Variants in RAD52 observed in about 807,000 individuals in gnomAD.
RAD52 encodes RAD52 DNA repair protein.
In RAD52, 47 loss-of-function variants were observed where a neutral mutation model predicts 55.5. The ratio of observed to expected loss-of-function variants is 0.85; its 90% CI spans 0.67 to 1.08. RAD52 has a LOEUF of 1.08. Ranked by LOEUF, RAD52 falls within the 50% of genes least tolerant of loss-of-function variation. RAD52 has a pLI of 0.00. For missense variants in RAD52, 468 were observed against 522.8 expected (o/e 0.90, Z 1.02); for synonymous variants, 184 against 198.9 (o/e 0.92, Z 0.63).
At position 928,976 on chromosome 12, in the gene RAD52, C is replaced by T. The variant is rs11571431; in HGVS notation, c.348+843G>A. Among the ~76,000 whole-genome samples, 4 of 152,254 alleles carry T rather than the reference C, an allele frequency of 2.6e-5. No individual in the cohort carries two copies. The East Asian group carries it at 7.7e-4, about 29-fold the overall frequency. ...ACTTCCTGGGCTCAGGTGATCCTCC[C>T]ACCTCAGCCTCTTGAGTAGCTAGGA... On this transcript the variant is annotated intron_variant, in intron 5 of 11. Coordinates refer to ENST00000358495, the MANE Select transcript of RAD52 (RefSeq NM_134424.4).
At chr12:914,313 G>A in intron 10 of RAD52, 118 bp downstream of exon 10, 1 of 1,447,534 alleles carries the variant, frequency 6.9e-7, no homozygotes, top group South Asian at 1.3e-5. Flanking sequence ...TATGCTATCA[G>A]CCAGAACCCC....
chr12:958,958 TC>T (rs1238883509), intron 1 of RAD52, among the ~76,000 whole-genome samples: 1 of 152,196 alleles, frequency 6.6e-6, no homozygotes, highest in Non-Finnish European at 1.5e-5. Context: ...GATAAAGTAT[TC>T]TTTCTGTTTC....
At chr12:986,742 A>T (rs1370836914) in intron 1 of RAD52, among the ~76,000 whole-genome samples, 53 of 147,530 alleles carry the variant, frequency 3.6e-4, no homozygotes, top group Admixed American at 3.5e-3. Context: ...AGCATCTTCT[A>T]AGCTTTTTTT....
upstream of RAD52, among the ~76,000 whole-genome samples, chr12:950,191 A>T (rs1439573422): frequency 6.6e-6 from 1 of 152,194 alleles, no homozygotes; most frequent in Non-Finnish European, 1.5e-5. Context: ...CGCCGCGCAC[A>T]TCCAGTCGTC....
At position 927,900 on chromosome 12, in the gene RAD52, G is replaced by A. The variant is rs11571437; in HGVS notation, c.349-637C>T. 7.4e-3 allele frequency among the ~76,000 whole-genome samples: 1,130 copies of A among 152,164 alleles called. 12 individuals are homozygous for A. The highest frequency in any genetic ancestry group is 0.026 in the African/African-American group (1,074 of 41,524). On this transcript the variant is annotated intron_variant, in intron 5 of 11. Transcript: ENST00000358495. ...AAAACCTCTGGGATATGAAACAAAG[G>A]GATGATTTGAACACTGGATCTAATG...
intron 1 of RAD52, among the ~76,000 whole-genome samples, chr12:960,556 G>A (rs1356728165): frequency 1.3e-5 from 2 of 152,118 alleles, no homozygotes; most frequent in African/African-American, 4.8e-5. Context: ...TCAAACTCCT[G>A]GGCTCAAGCA....
At chr12:950,102 A>C (rs1466819641), upstream of RAD52, among the ~76,000 whole-genome samples, 1 of 152,166 alleles carries the variant, frequency 6.6e-6, no homozygotes, top group East Asian at 1.9e-4. Context: ...CTGAGGATGA[A>C]TGGTTGTCAG....
At chr12:959,968 A>G (rs1430668130) in intron 1 of RAD52, among the ~76,000 whole-genome samples, 1 of 152,158 alleles carries the variant, frequency 6.6e-6, no homozygotes, top group African/African-American at 2.4e-5. Flanking sequence ...AAAGGTCCAG[A>G]GGTGGGAAGG....
chr12:967,407 C>T (rs1403494481), intron 1 of RAD52, among the ~76,000 whole-genome samples: 1 of 148,798 alleles, frequency 6.7e-6, no homozygotes, highest in Non-Finnish European at 1.5e-5. Flanking sequence ...GTTCACAAAA[C>T]ATATAAGTAC....
intron 2 of RAD52, among the ~76,000 whole-genome samples, chr12:932,150 G>C (rs897337448): frequency 6.6e-6 from 1 of 152,164 alleles, no homozygotes; most frequent in African/African-American, 2.4e-5. Flanking sequence ...GAGGTCAGGA[G>C]TTCAAGACTA....
chr12:972,567 C>A (rs1490979718), intron 1 of RAD52, among the ~76,000 whole-genome samples: 1 of 151,406 alleles, frequency 6.6e-6, no homozygotes, highest in Admixed American at 6.6e-5. Flanking sequence ...GAGATCGAGA[C>A]CATCCTGGCT....
chr12:928,965 G>A (rs1355054489), intron 5 of RAD52, among the ~76,000 whole-genome samples: 1 of 152,102 alleles, frequency 6.6e-6, no homozygotes, highest in Non-Finnish European at 1.5e-5. Context: ...CCTGGGCTCA[G>A]GTGATCCTCC....
At chr12:947,803 G>A (rs893847057) in intron 1 of RAD52, among the ~76,000 whole-genome samples, 5 of 150,530 alleles carry the variant, frequency 3.3e-5, no homozygotes, top group Admixed American at 6.7e-5. Context: ...TAGGAGAAGC[G>A]CTTGAACCCA....
intron 1 of RAD52, among the ~76,000 whole-genome samples, chr12:988,872 A>T (rs12423350): frequency 0.04 from 6,022 of 150,456 alleles, 138 homozygotes; most frequent in Middle Eastern, 0.075. Context: ...ACCTCCCAAT[A>T]CTATCACACT....
intron 1 of RAD52, among the ~76,000 whole-genome samples, chr12:987,930 A>G (rs11064629): frequency 0.04 from 6,017 of 152,054 alleles, 135 homozygotes; most frequent in Middle Eastern, 0.075. Context: ...GCAGCTTCCT[A>G]AAGTGTTGGG....
At chr12:984,725 C>T (rs1247320580) in intron 1 of RAD52, among the ~76,000 whole-genome samples, 4 of 148,970 alleles carry the variant, frequency 2.7e-5, no homozygotes, top group Admixed American at 1.3e-4. Context: ...AGTGCAGTGG[C>T]GTGATCTCGG....
chr12:957,305 A>G (rs1281349927), intron 1 of RAD52, among the ~76,000 whole-genome samples: 2 of 151,850 alleles, frequency 1.3e-5, no homozygotes, highest in Non-Finnish European at 2.9e-5. Context: ...TAAAAATACA[A>G]AAAAACAATT....
chr12:930,039 G>A lies in RAD52; in HGVS notation c.280+12C>T, dbSNP rs748168542. On this transcript the variant is annotated intron_variant, in intron 4 of 11. Transcript: ENST00000358495. ...CAGTGCAGAAGTCCCCACTGCTGGA[G>A]AGCATACTCACCCACATTCTGCTGC... 6.2e-7 allele frequency: 1 copy of A among 1,610,902 alleles called. No individual in the cohort carries two copies. The highest frequency in any genetic ancestry group is 1.7e-5 in the Admixed American group (1 of 60,010).
chr12:969,791 T>TA lies in RAD52; in HGVS notation c.-19+20017dup, dbSNP rs74508860. Among the ~76,000 whole-genome samples the TA allele has an allele frequency of 7.7e-3, 1,071 of 138,916 alleles. 10 individuals are homozygous for TA. Among genetic ancestry groups the TA allele is most frequent in the African/African-American group, 0.018 (686 of 37,664 alleles). The allele number at this position is 138,916 out of a possible 152,430, so 91.1% of individuals were successfully genotyped here. ...GGTGACAGAGCAAGACCCTGACTCT[T>TA]AAAAAAAAAAAAAGATTTTAGTATG... On this transcript the variant is annotated intron_variant, in intron 1 of 11. Transcript: ENST00000430095.
Sources: allele counts gnomAD v4.1 joint callset (sites outside exome capture counted in the v4.1 genomes callset), GRCh38; gene constraint gnomAD v4.1.1; transcripts MANE v1.5; gene names NCBI Gene and HGNC (gene_info 2026-07-23, HGNC 2026-07-21).